GABRB1: variants seen among roughly 807,000 people sequenced by gnomAD.
The protein encoded by GABRB1 is gamma-aminobutyric acid receptor subunit beta-1.
In GABRB1, 17 loss-of-function variants were observed where a neutral mutation model predicts 51.6. The ratio of observed to expected loss-of-function variants is 0.33; its 90% CI spans 0.23 to 0.49. The LOEUF is 0.49. GABRB1 is among the 20% of genes least tolerant of loss of function. GABRB1 has a pLI of 0.99. For missense variants in GABRB1, 410 were observed against 600.6 expected (o/e 0.68, Z 3.32); for synonymous variants, 247 against 218.9 (o/e 1.13, Z -1.14).
chr4:47,243,464 A>C (rs1382515278), intron 4 of GABRB1, among the ~76,000 whole-genome samples: 1 of 152,178 alleles, frequency 6.6e-6, no homozygotes, highest in Non-Finnish European at 1.5e-5. Flanking sequence ...TTGAATCTAT[A>C]AATTACCTTG....
At chr4:47,319,331 C>T (rs1456212872) in intron 4 of GABRB1, among the ~76,000 whole-genome samples, 1 of 152,070 alleles carries the variant, frequency 6.6e-6, no homozygotes, top group East Asian at 1.9e-4. Context: ...CTCTCCCTCT[C>T]TCTGGGAGTT....
chr4:47,042,254 CT>C (rs1428897849), intron 3 of GABRB1, among the ~76,000 whole-genome samples: 1 of 150,948 alleles, frequency 6.6e-6, no homozygotes, highest in Non-Finnish European at 1.5e-5. Flanking sequence ...CTACCTTATA[CT>C]TTAATCTGTA....
intron 4 of GABRB1, among the ~76,000 whole-genome samples, chr4:47,226,163 A>G (rs1453685698): frequency 6.6e-6 from 1 of 152,156 alleles, no homozygotes; most frequent in African/African-American, 2.4e-5. Context: ...CTGAGTGGGG[A>G]AATAGGTCAT....
At chr4:47,383,987 A>G (rs1303800116) in intron 5 of GABRB1, among the ~76,000 whole-genome samples, 1 of 152,272 alleles carries the variant, frequency 6.6e-6, no homozygotes, top group South Asian at 2.1e-4. Context: ...TCTTCACAGT[A>G]TCATGTCGCT....
At chr4:47,086,834 A>G (rs1728100574) in intron 3 of GABRB1, among the ~76,000 whole-genome samples, 1 of 152,136 alleles carries the variant, frequency 6.6e-6, no homozygotes, top group Admixed American at 6.5e-5. Context: ...GCAGTGGCTA[A>G]GGGCTGCTGG....
chr4:47,043,067 C>T (rs778165632), intron 3 of GABRB1: 6 of 152,190 alleles, frequency 3.9e-5, no homozygotes, highest in African/African-American at 1.5e-4. Context: ...GCCCTCCTCC[C>T]CTGCCCCCAT....
At chr4:47,291,392 C>A (rs1037413262) in intron 4 of GABRB1, among the ~76,000 whole-genome samples, 1 of 152,220 alleles carries the variant, frequency 6.6e-6, no homozygotes, top group Non-Finnish European at 1.5e-5. Flanking sequence ...TGGAGAACCT[C>A]TGCTAGGGCA....
intron 5 of GABRB1, among the ~76,000 whole-genome samples, chr4:47,402,612 C>A (rs760977237): frequency 6.6e-6 from 1 of 152,078 alleles, no homozygotes; most frequent in African/African-American, 2.4e-5. Context: ...GGCCTTCATG[C>A]TGAAGACCTG....
At chr4:47,011,427 G>A (rs1724578947) in intron 1 of GABRB1, among the ~76,000 whole-genome samples, 1 of 152,068 alleles carries the variant, frequency 6.6e-6, no homozygotes, top group Non-Finnish European at 1.5e-5. Flanking sequence ...TCTACCTTGG[G>A]TACTGCTTGC....
chr4:47,036,944 G>T (rs2109479803), intron 3 of GABRB1, among the ~76,000 whole-genome samples: 1 of 152,072 alleles, frequency 6.6e-6, no homozygotes, highest in African/African-American at 2.4e-5. Flanking sequence ...ATTTCTTTAG[G>T]AATGTTATTA....
At chr4:47,261,209 G>A (rs2109878305) in intron 4 of GABRB1, among the ~76,000 whole-genome samples, 1 of 152,236 alleles carries the variant, frequency 6.6e-6, no homozygotes, top group East Asian at 1.9e-4. Flanking sequence ...GGGCAATTAG[G>A]CAGAAGGAAA....
intron 5 of GABRB1, among the ~76,000 whole-genome samples, chr4:47,335,391 T>A (rs1725661048): frequency 6.6e-6 from 1 of 152,170 alleles, no homozygotes; most frequent in East Asian, 1.9e-4. Context: ...AATTGTCATC[T>A]GATTTTAGAT....
chr4:47,212,312 T>G (rs911639706), intron 4 of GABRB1, among the ~76,000 whole-genome samples: 7 of 152,108 alleles, frequency 4.6e-5, no homozygotes, highest in African/African-American at 1.7e-4. Flanking sequence ...ACAACATCCA[T>G]GCACTTCAGT....
chr4:47,277,596 T>C lies in GABRB1; in HGVS notation c.462-42531T>C, dbSNP rs559091630. Reference sequence around the variant, plus strand: ...GTGTTTATTTCACATTGCATGCCTATATCAAAACATCTCATGTATCCCATA... The same window carrying C: ...GTGTTTATTTCACATTGCATGCCTACATCAAAACATCTCATGTATCCCATA... On this transcript the variant is annotated intron_variant, in intron 4 of 8. Coordinates refer to ENST00000295454, the MANE Select transcript of GABRB1 (RefSeq NM_000812.4). Among the ~76,000 whole-genome samples the C allele has an allele frequency of 5.9e-5, 9 of 152,148 alleles. 1 individual carries two copies. The South Asian group carries it at 1.9e-3, about 32-fold the overall frequency.
chr4:47,158,966 T>C (rs1201296190), intron 3 of GABRB1, among the ~76,000 whole-genome samples: 2 of 151,914 alleles, frequency 1.3e-5, no homozygotes, highest in African/African-American at 2.4e-5. Flanking sequence ...ACCAGTAAAA[T>C]GCTACTTTTT....
At chr4:47,392,755 G>A (rs1435470910) in intron 5 of GABRB1, among the ~76,000 whole-genome samples, 1 of 152,202 alleles carries the variant, frequency 6.6e-6, no homozygotes, top group Non-Finnish European at 1.5e-5. Flanking sequence ...ACAGAAAGTG[G>A]AGTATGCAGC....
At chr4:47,313,488 G>A (rs117561498) in intron 4 of GABRB1, among the ~76,000 whole-genome samples, 1 of 152,252 alleles carries the variant, frequency 6.6e-6, no homozygotes, top group East Asian at 1.9e-4. Flanking sequence ...ATTAGGCAAG[G>A]AGAACAAATG....
intron 1 of GABRB1, among the ~76,000 whole-genome samples, chr4:46,994,863 G>T (rs543843919): frequency 6.6e-6 from 1 of 152,258 alleles, no homozygotes; most frequent in South Asian, 2.1e-4. Flanking sequence ...CTAGTGGACG[G>T]GTATGAAGAG....
At chr4:47,082,061 T>G (rs1727871625) in intron 3 of GABRB1, among the ~76,000 whole-genome samples, 2 of 152,162 alleles carry the variant, frequency 1.3e-5, no homozygotes, top group East Asian at 3.9e-4. Flanking sequence ...ATATAAAAAT[T>G]TATAAACTGA....
Sources: gnomAD v4.1 joint callset for allele counts (sites outside exome capture counted in the v4.1 genomes callset) on GRCh38, gnomAD v4.1.1 for gene constraint, MANE v1.5 for transcripts, NCBI Gene and HGNC (gene_info 2026-07-23, HGNC 2026-07-21) for gene names.